Variants in CDK14 observed in about 807,000 individuals in gnomAD.
CDK14 encodes cyclin-dependent kinase 14.
Under a neutral mutation model 60.7 loss-of-function variants are expected in CDK14, and 34 were observed. The ratio of observed to expected loss-of-function variants is 0.56; its 90% CI spans 0.43 to 0.75. The LOEUF (loss-of-function observed/expected upper bound fraction) is 0.75, where lower values mean the gene tolerates loss of function less well. Among genes scored for constraint, CDK14 ranks in the 30% least tolerant of loss-of-function variants. CDK14 has a pLI of 0.00. For synonymous variants in CDK14, 197 were observed against 203.7 expected, an observed-to-expected ratio of 0.97 and a Z score of 0.28; for missense variants, 482 against 564.1, an observed-to-expected ratio of 0.85 and a Z score of 1.47.
At chr7:90,817,993 C>T (rs1381325579) in intron 5 of CDK14, among the ~76,000 whole-genome samples, 1 of 152,166 alleles carries the variant, frequency 6.6e-6, no homozygotes, top group Non-Finnish European at 1.5e-5. Context: ...CACCTAAGCC[C>T]ATCTGACTCT....
chr7:90,973,702 C>T (rs577783720), intron 9 of CDK14, among the ~76,000 whole-genome samples: 32 of 144,960 alleles, frequency 2.2e-4, no homozygotes, highest in East Asian at 1.2e-3. Flanking sequence ...ACTGTGATGG[C>T]GACCTCGAGC....
intron 5 of CDK14, among the ~76,000 whole-genome samples, chr7:90,802,443 T>G (rs556251251): frequency 1.3e-5 from 2 of 152,192 alleles, no homozygotes; most frequent in Non-Finnish European, 2.9e-5. Flanking sequence ...ACTTTAGAGA[T>G]TACCTTGTCC....
chr7:90,607,447 A>G (rs4272289), intron 2 of CDK14, among the ~76,000 whole-genome samples: 22,659 of 152,270 alleles, frequency 0.15, 1,800 homozygotes, highest in Middle Eastern at 0.25. Context: ...TCCCTGATTC[A>G]TGTAGAGGAT....
intron 14 of CDK14, among the ~76,000 whole-genome samples, chr7:91,149,281 C>T (rs1364388358): frequency 1.3e-5 from 2 of 150,080 alleles, no homozygotes; most frequent in Non-Finnish European, 3.0e-5. Flanking sequence ...TTGGGAGCTT[C>T]ATAAAAAAAA....
intron 5 of CDK14, among the ~76,000 whole-genome samples, chr7:90,812,777 C>T (rs1789186013): frequency 1.3e-5 from 2 of 152,174 alleles, no homozygotes; most frequent in South Asian, 4.1e-4. Context: ...CCAAGTGTTT[C>T]ATATGGAATA....
intron 8 of CDK14, among the ~76,000 whole-genome samples, chr7:90,928,520 G>A (rs181443373): frequency 0.013 from 2,026 of 152,252 alleles, 10 homozygotes; most frequent in Middle Eastern, 0.02. Flanking sequence ...TATCACCAGC[G>A]GAGGCTGCAG....
At chr7:90,737,421 C>A (rs1363047963) in intron 3 of CDK14, among the ~76,000 whole-genome samples, 1 of 152,166 alleles carries the variant, frequency 6.6e-6, no homozygotes, top group Non-Finnish European at 1.5e-5. Flanking sequence ...AGGGTGCAAA[C>A]CTGCAAATGA....
chr7:91,042,360 A>C (rs7782262), intron 10 of CDK14, among the ~76,000 whole-genome samples: 41,445 of 151,812 alleles, frequency 0.27, 7,519 homozygotes, highest in African/African-American at 0.51. Flanking sequence ...TTCTCCCTGC[A>C]CCCAGGGAGA....
chr7:90,975,158 C>T (rs1271932632), intron 9 of CDK14, among the ~76,000 whole-genome samples: 1 of 152,108 alleles, frequency 6.6e-6, no homozygotes, highest in Non-Finnish European at 1.5e-5. Flanking sequence ...ACTTGTCTTT[C>T]CCTTTTCTAA....
intron 8 of CDK14, among the ~76,000 whole-genome samples, chr7:90,946,727 A>G (rs1202859088): frequency 6.6e-6 from 1 of 152,200 alleles, no homozygotes; most frequent in Non-Finnish European, 1.5e-5. Flanking sequence ...AGTGTTATTT[A>G]TTACATGCCC....
chr7:90,675,131 A>G (rs908864106), intron 2 of CDK14, among the ~76,000 whole-genome samples: 1 of 152,148 alleles, frequency 6.6e-6, no homozygotes, highest in African/African-American at 2.4e-5. Flanking sequence ...GGTTTTGAGG[A>G]TAAGAGAGCC....
At chr7:90,599,116 T>TTGCCA (rs1799261570) in intron 1 of CDK14, among the ~76,000 whole-genome samples, 1 of 152,258 alleles carries the variant, frequency 6.6e-6, no homozygotes. Flanking sequence ...GTTTCCCATG[T>TTGCCA]TGCCATGCCC....
intron 4 of CDK14, among the ~76,000 whole-genome samples, chr7:90,787,784 C>T (rs1369763301): frequency 6.6e-6 from 1 of 152,138 alleles, no homozygotes. Flanking sequence ...AAAACAAACA[C>T]TTGGAGGTTC....
At chr7:91,007,968 T>C (rs1165562201) in intron 10 of CDK14, among the ~76,000 whole-genome samples, 1 of 151,872 alleles carries the variant, frequency 6.6e-6, no homozygotes, top group Non-Finnish European at 1.5e-5. Context: ...GCAGCCTTTG[T>C]GGTCAGTGTG....
At position 90,838,106 on chromosome 7, in the gene CDK14, C is replaced by T. The variant is rs142625948; in HGVS notation, c.545-25069C>T. Among the ~76,000 whole-genome samples, 1,184 of 152,132 alleles carry T rather than the reference C, an allele frequency of 7.8e-3. 23 individuals are homozygous for T. Among genetic ancestry groups the T allele is most frequent in the African/African-American group, 0.027 (1,137 of 41,518 alleles). On this transcript the variant is annotated intron_variant, in intron 5 of 14. Coordinates refer to ENST00000380050, the MANE Select transcript of CDK14 (RefSeq NM_001287135.2). ...CAAATGGAGGGACCGGCTGAAGCTG[C>T]GGCAGAAGAACATAAATTGTGAAGA... is the stretch of plus-strand genomic sequence containing the variant.
intron 2 of CDK14, among the ~76,000 whole-genome samples, chr7:90,677,010 T>C (rs1425226056): frequency 6.6e-6 from 1 of 152,144 alleles, no homozygotes. Context: ...TAATGATGTA[T>C]GCAAGTTTAC....
intron 10 of CDK14, among the ~76,000 whole-genome samples, chr7:91,043,801 A>G (rs1349485134): frequency 6.6e-6 from 1 of 152,178 alleles, no homozygotes; most frequent in Non-Finnish European, 1.5e-5. Flanking sequence ...TTGATGCTGG[A>G]TTCATGTTTC....
intron 14 of CDK14, among the ~76,000 whole-genome samples, chr7:91,173,342 C>A (rs1801591066): frequency 6.6e-6 from 1 of 152,026 alleles, no homozygotes; most frequent in South Asian, 2.1e-4. Context: ...TCCTGTCATC[C>A]CAGCTTCTAG....
chr7:91,099,437 A>C (rs1035908402), intron 12 of CDK14, among the ~76,000 whole-genome samples: 1 of 152,152 alleles, frequency 6.6e-6, no homozygotes, highest in Non-Finnish European at 1.5e-5. Context: ...GCTTTAATCA[A>C]CCACTTTGAA....
Sources: allele counts gnomAD v4.1 joint callset (sites outside exome capture counted in the v4.1 genomes callset), GRCh38; gene constraint gnomAD v4.1.1; transcripts MANE v1.5; gene names NCBI Gene and HGNC (gene_info 2026-07-23, HGNC 2026-07-21).